The following HCN1 variants were observed in gnomAD, a reference collection of about 807,000 sequenced individuals.
The protein encoded by HCN1 is potassium/sodium hyperpolarization-activated cyclic nucleotide-gated channel 1.
A neutral mutation model predicts 78.9 loss-of-function variants in HCN1; 13 were observed. The observed-to-expected ratio is 0.16, with a 90% CI of 0.11 to 0.26. The LOEUF is 0.26. Among genes scored for constraint, HCN1 ranks in the 10% least tolerant of loss-of-function variants. The pLI is 1.00. For missense variants in HCN1, 810 were observed against 1,154.3 expected (o/e 0.70, Z 4.32); for synonymous variants, 552 against 455.5 (o/e 1.21, Z -2.70).
At chr5:45,474,886 G>A (rs75593791) in intron 2 of HCN1, among the ~76,000 whole-genome samples, 365 of 151,682 alleles carry the variant, frequency 2.4e-3, no homozygotes, top group African/African-American at 8.2e-3. Flanking sequence ...TTTTGAATGC[G>A]GAAAGAAAGG....
At chr5:45,532,944 A>G (rs1326752071) in intron 2 of HCN1, among the ~76,000 whole-genome samples, 1 of 152,198 alleles carries the variant, frequency 6.6e-6, no homozygotes, top group Non-Finnish European at 1.5e-5. Flanking sequence ...TCTCTTGTAA[A>G]CTGCCCTTAT....
chr5:45,374,131 T>TATTATATACATATTATATAATATAC (rs1747529219), intron 4 of HCN1, among the ~76,000 whole-genome samples: 1 of 111,124 alleles, frequency 9.0e-6, no homozygotes, highest in Non-Finnish European at 1.7e-5. Flanking sequence ...ATATAATATA[T>TATTATATACATATTATATAATATAC]ATTATATACA....
intron 5 of HCN1, among the ~76,000 whole-genome samples, chr5:45,349,362 A>G (rs1470322628): frequency 2.0e-5 from 3 of 152,236 alleles, no homozygotes; most frequent in Non-Finnish European, 4.4e-5. Context: ...TCTCTGGGAC[A>G]CATTCAAAGT....
intron 4 of HCN1, among the ~76,000 whole-genome samples, chr5:45,390,518 C>CA (rs1003355611): frequency 3.3e-5 from 5 of 151,932 alleles, no homozygotes; most frequent in African/African-American, 4.8e-5. Context: ...ATGTAAACAG[C>CA]AAAAAACTAA....
intron 2 of HCN1, among the ~76,000 whole-genome samples, chr5:45,589,732 A>G (rs1442964977): frequency 6.6e-6 from 1 of 152,204 alleles, no homozygotes; most frequent in Non-Finnish European, 1.5e-5. Context: ...ATTTCAATAG[A>G]TGCTAGCATT....
chr5:45,294,449 T>C (rs1745445034), intron 6 of HCN1, among the ~76,000 whole-genome samples: 1 of 151,864 alleles, frequency 6.6e-6, no homozygotes, highest in African/African-American at 2.4e-5. Context: ...TATCATTCCA[T>C]AAAAAGAACT....
At chr5:45,443,885 T>C (rs563208313) in intron 3 of HCN1, among the ~76,000 whole-genome samples, 1 of 152,186 alleles carries the variant, frequency 6.6e-6, no homozygotes, top group South Asian at 2.1e-4. Context: ...CGTCTATGGT[T>C]TATGAAAGAA....
chr5:45,578,560 A>G (rs1385420390), intron 2 of HCN1, among the ~76,000 whole-genome samples: 1 of 152,076 alleles, frequency 6.6e-6, no homozygotes, highest in African/African-American at 2.4e-5. Context: ...TCTTTAAGCC[A>G]ATTTTAGAGA....
At chr5:45,380,899 T>C (rs1747796803) in intron 4 of HCN1, among the ~76,000 whole-genome samples, 1 of 152,172 alleles carries the variant, frequency 6.6e-6, no homozygotes, top group South Asian at 2.1e-4. Flanking sequence ...TAGAAAATAT[T>C]AAATGTTATT....
At chr5:45,637,434 C>G (rs538040861) in intron 2 of HCN1, among the ~76,000 whole-genome samples, 82 of 151,714 alleles carry the variant, frequency 5.4e-4, no homozygotes, top group African/African-American at 1.6e-3. Flanking sequence ...AGTTATTTCC[C>G]CGACACTATG....
chr5:45,593,652 T>TTATTATTAA (rs1313081236), intron 2 of HCN1, among the ~76,000 whole-genome samples: 18 of 148,986 alleles, frequency 1.2e-4, no homozygotes, highest in Non-Finnish European at 2.7e-4. Flanking sequence ...TTCATTATTA[T>TTATTATTAA]TATTATTATT....
At chr5:45,524,177 G>C (rs892449871) in intron 2 of HCN1, among the ~76,000 whole-genome samples, 1 of 152,098 alleles carries the variant, frequency 6.6e-6, no homozygotes, top group Admixed American at 6.6e-5. Context: ...TTGTAGATAC[G>C]TGGCGTTATT....
intron 5 of HCN1, among the ~76,000 whole-genome samples, chr5:45,332,044 T>C (rs1447303774): frequency 1.3e-5 from 2 of 151,550 alleles, no homozygotes; most frequent in Non-Finnish European, 3.0e-5. Flanking sequence ...AAATGTAGTA[T>C]ACATATGTTC....
At chr5:45,285,979 C>T (rs921727637) in intron 6 of HCN1, among the ~76,000 whole-genome samples, 4 of 151,722 alleles carry the variant, frequency 2.6e-5, no homozygotes, top group African/African-American at 9.7e-5. Flanking sequence ...GACAAACACA[C>T]ACGGAAAATT....
chr5:45,336,455 A>G (rs906156271), intron 5 of HCN1, among the ~76,000 whole-genome samples: 6 of 152,054 alleles, frequency 3.9e-5, no homozygotes, highest in Non-Finnish European at 7.4e-5. Flanking sequence ...TGACAATTCC[A>G]GTGGAGCTCA....
chr5:45,352,603 G>A (rs959547623), intron 5 of HCN1, among the ~76,000 whole-genome samples: 1 of 152,094 alleles, frequency 6.6e-6, no homozygotes, highest in African/African-American at 2.4e-5. Context: ...ATATTCTAGT[G>A]GGAAGAAGGC....
chr5:45,525,126 G>C (rs1433791323), intron 2 of HCN1, among the ~76,000 whole-genome samples: 1 of 152,056 alleles, frequency 6.6e-6, no homozygotes, highest in African/African-American at 2.4e-5. Context: ...CGTGGTTTTT[G>C]TCTTTGGTTC....
intron 3 of HCN1, among the ~76,000 whole-genome samples, chr5:45,424,403 A>G (rs1469567355): frequency 6.6e-6 from 1 of 152,142 alleles, no homozygotes; most frequent in East Asian, 1.9e-4. Context: ...CTCTTTTAAA[A>G]ACACACCATG....
intron 5 of HCN1, among the ~76,000 whole-genome samples, chr5:45,316,041 G>C (rs918555691): frequency 4.6e-5 from 7 of 152,156 alleles, no homozygotes; most frequent in Admixed American, 3.9e-4. Flanking sequence ...TAGATAAAGA[G>C]GGAATCCTAC....
Sources: allele counts gnomAD v4.1 joint callset (sites outside exome capture counted in the v4.1 genomes callset), GRCh38; gene constraint gnomAD v4.1.1; transcripts MANE v1.5; gene names NCBI Gene and HGNC (gene_info 2026-07-23, HGNC 2026-07-21).